The following CHMP3 variants were observed in gnomAD, a reference collection of about 807,000 sequenced individuals.
CHMP3 encodes charged multivesicular body protein 3.
A neutral mutation model predicts 27.4 loss-of-function variants in CHMP3; 8 were observed. The observed-to-expected ratio is 0.29, with a 90% CI of 0.17 to 0.53. CHMP3 has a LOEUF of 0.53. Ranked by LOEUF, CHMP3 falls within the 20% of genes least tolerant of loss-of-function variation. The pLI is 0.96. For synonymous variants in CHMP3, 86 were observed against 85.5 expected (o/e 1.01, Z -0.03); for missense variants, 208 against 271.5 (o/e 0.77, Z 1.64).
At chr2:86,542,346 A>G (rs1424913755) in intron 1 of CHMP3, 34 bp from the exon 2 acceptor site, 1 of 1,587,660 alleles carries the variant, frequency 6.3e-7, no homozygotes, top group Non-Finnish European at 8.6e-7. Flanking sequence ...ATGAGGAGAA[A>G]AGCCGAAACT....
chr2:86,535,945 C>A (rs1676113221), intron 2 of CHMP3, among the ~76,000 whole-genome samples: 2 of 151,538 alleles, frequency 1.3e-5, no homozygotes, highest in Admixed American at 1.3e-4. Flanking sequence ...ATTTCTTATT[C>A]ATGTCTCTTA....
At chr2:86,514,922 G>A (rs1308592387) in intron 3 of CHMP3, among the ~76,000 whole-genome samples, 1 of 152,056 alleles carries the variant, frequency 6.6e-6, no homozygotes, top group Non-Finnish European at 1.5e-5. Context: ...TAAAATTCTA[G>A]AGAAAACATT....
intron 3 of CHMP3, chr2:86,512,457 G>A (rs1331202749): frequency 6.6e-6 from 1 of 152,090 alleles, no homozygotes; most frequent in African/African-American, 2.4e-5. Flanking sequence ...TGCTATAGCA[G>A]CACAAAAGAA....
Position 86,546,011 on chromosome 2 carries a change from C to T in CHMP3, c.46-3699G>A, listed in dbSNP as rs372308729. Among the ~76,000 whole-genome samples, 204 of 152,224 alleles carry T rather than the reference C, an allele frequency of 1.3e-3. 1 individual carries two copies. Among genetic ancestry groups the T allele is most frequent in the African/African-American group, 4.7e-3 (195 of 41,542 alleles). ...TAGTACTTTGGGAGGCCAAGGCAGG[C>T]GGCTGGGAGGTGGAGGTTGTAGCGA... On this transcript the variant is annotated intron_variant, in intron 1 of 5. Coordinates refer to ENST00000263856, the MANE Select transcript of CHMP3 (RefSeq NM_016079.4).
At chr2:86,536,250 G>A (rs985500036) in intron 2 of CHMP3, among the ~76,000 whole-genome samples, 32 of 151,886 alleles carry the variant, frequency 2.1e-4, no homozygotes, top group Middle Eastern at 3.4e-3. Context: ...CGCCCGCCTC[G>A]GCCTCCCAAA....
intron 1 of CHMP3, among the ~76,000 whole-genome samples, chr2:86,552,504 A>T (rs1676947707): frequency 6.6e-6 from 1 of 152,204 alleles, no homozygotes; most frequent in African/African-American, 2.4e-5. Flanking sequence ...ACACCTATAA[A>T]TGTTAATGTG....
intron 3 of CHMP3, among the ~76,000 whole-genome samples, chr2:86,513,345 G>C (rs1374431291): frequency 6.6e-6 from 1 of 152,216 alleles, no homozygotes; most frequent in East Asian, 1.9e-4. Flanking sequence ...GTTGCCAAGA[G>C]TTAGTAGGGA....
intron 2 of CHMP3, among the ~76,000 whole-genome samples, chr2:86,535,822 C>T (rs1676107159): frequency 6.6e-6 from 1 of 151,812 alleles, no homozygotes; most frequent in Admixed American, 6.6e-5. Context: ...AGCTTAATTT[C>T]AAAAGCAGTA....
chr2:86,556,174 T>A (rs1329460656), intron 1 of CHMP3, among the ~76,000 whole-genome samples: 1 of 152,200 alleles, frequency 6.6e-6, no homozygotes, highest in Non-Finnish European at 1.5e-5. Flanking sequence ...TGGTACAAAT[T>A]CAACAGCTAT....
At chr2:86,537,921 C>T (rs976118789) in intron 2 of CHMP3, among the ~76,000 whole-genome samples, 6 of 152,104 alleles carry the variant, frequency 3.9e-5, no homozygotes, top group East Asian at 1.9e-4. Flanking sequence ...TGTTTATGTA[C>T]GCAAAAGTAC....
In CHMP3 at chr2:86,507,558, A is replaced by T; in HGVS notation, c.444T>A (p.Phe148Leu). Reference sequence around the variant, plus strand: ...TTTCTTCCTGATCGTCCATGCTTTCAAAAGTGTCCTCTAACATCTCCTCTA... The same window carrying T: ...TTTCTTCCTGATCGTCCATGCTTTCTAAAGTGTCCTCTAACATCTCCTCTA... Reference protein sequence around the residue: ...GIIEEMLEDTFESMDDQEEME... With the variant: ...GIIEEMLEDTLESMDDQEEME... Residue 148 changes from phenylalanine to leucine, a missense_variant, in exon 5 of 6, where the codon TTT becomes TTA. By Grantham distance (22) the Phe-to-Leu change is conservative (BLOSUM62 0). Transcript: ENST00000263856. 6.2e-7 allele frequency: 1 copy of T among 1,614,200 alleles called. No homozygotes were observed.
At chr2:86,533,328 T>C (rs1675998981) in intron 2 of CHMP3, among the ~76,000 whole-genome samples, 1 of 152,218 alleles carries the variant, frequency 6.6e-6, no homozygotes, top group Admixed American at 6.5e-5. Flanking sequence ...TCAATCTAGT[T>C]AAGGTGTATA....
At chr2:86,552,840 A>T (rs1676963874) in intron 1 of CHMP3, among the ~76,000 whole-genome samples, 1 of 152,228 alleles carries the variant, frequency 6.6e-6, no homozygotes, top group South Asian at 2.1e-4. Flanking sequence ...AAGGAACAAG[A>T]TCATGTCCTT....
chr2:86,518,076 C>A (rs571206882), intron 3 of CHMP3, among the ~76,000 whole-genome samples: 2 of 152,172 alleles, frequency 1.3e-5, no homozygotes, highest in East Asian at 3.9e-4. Flanking sequence ...TAAAAGCCAA[C>A]TTAAAACAGG....
intron 3 of CHMP3, among the ~76,000 whole-genome samples, chr2:86,527,822 G>A (rs574529623): frequency 1.3e-5 from 2 of 152,220 alleles, no homozygotes; most frequent in South Asian, 4.1e-4. Flanking sequence ...TTAGCTGGGA[G>A]TAGTGGTGGG....
chr2:86,549,493 C>T lies in CHMP3; in HGVS notation c.46-7181G>A, dbSNP rs552271576. On this transcript the variant is annotated intron_variant, in intron 1 of 5. Transcript: ENST00000263856. ...CTCCTCACTTCCCAGACGGGGCGGC[C>T]GGGCAGAGGCGCTCCTCACTTCCCA... is the stretch of plus-strand genomic sequence containing the variant. 6.1e-4 allele frequency among the ~76,000 whole-genome samples: 81 copies of T among 133,658 alleles called. 1 individual carries two copies. Among genetic ancestry groups the T allele is most frequent in the East Asian group, 4.1e-3 (17 of 4,162 alleles). 87.7% of individuals were successfully genotyped at this position (133,658 alleles called of 152,430 possible).
rs1675180491 is a variant in CHMP3, at chr2:86,513,478, A to C, written c.287-2999T>G. ...ATCGAATGTACAACACCAAGAGTGA[A>C]TCCTAATGTAAACTATGGACTTTGG... is the stretch of plus-strand genomic sequence containing the variant. On this transcript the variant is annotated intron_variant, in intron 3 of 5. Transcript: ENST00000263856. Among the ~76,000 whole-genome samples, 3 of 152,332 alleles carry C rather than the reference A, an allele frequency of 2.0e-5. No homozygotes were observed. The South Asian group carries it at 6.2e-4, about 32-fold the overall frequency.
chr2:86,514,519 G>A (rs1675222160), intron 3 of CHMP3, among the ~76,000 whole-genome samples: 1 of 152,130 alleles, frequency 6.6e-6, no homozygotes, highest in African/African-American at 2.4e-5. Flanking sequence ...CAATAGGCAT[G>A]GGTGGCTTAA....
intron 1 of CHMP3, among the ~76,000 whole-genome samples, chr2:86,546,370 AAGGGGGGGAGGGGG>A (rs1676602311): frequency 4.0e-5 from 1 of 25,258 alleles, no homozygotes; most frequent in Admixed American, 3.7e-4. Context: ...AAGGGAGGGG[AAGGGGGGGAGGGGG>A]AGGGGGAGTA....
Sources: allele counts gnomAD v4.1 joint callset (sites outside exome capture counted in the v4.1 genomes callset), GRCh38; gene constraint gnomAD v4.1.1; transcripts MANE v1.5; gene names NCBI Gene and HGNC (gene_info 2026-07-23, HGNC 2026-07-21).